GRID2: variants seen among roughly 807,000 people sequenced by gnomAD.
The protein encoded by GRID2 is glutamate receptor ionotropic, delta-2.
In GRID2, 33 loss-of-function variants were observed where a neutral mutation model predicts 114.8. The ratio of observed to expected loss-of-function variants is 0.29; its 90% CI spans 0.22 to 0.38. GRID2 has a LOEUF of 0.38. GRID2 is among the 10% of genes least tolerant of loss of function. The pLI, the probability that GRID2 is intolerant of heterozygous loss-of-function variation, is 1.00. For missense variants in GRID2, 1,184 were observed against 1,257.7 expected, an observed-to-expected ratio of 0.94 and a Z score of 0.89; for synonymous variants, 505 against 449.9, an observed-to-expected ratio of 1.12 and a Z score of -1.55.
chr4:92,704,211 G>T (rs568748992), intron 2 of GRID2, among the ~76,000 whole-genome samples: 3 of 152,134 alleles, frequency 2.0e-5, no homozygotes, highest in Non-Finnish European at 4.4e-5. Context: ...CCGGGAGGCG[G>T]AGCTTGCAGT....
chr4:93,027,999 A>G (rs1249772594), intron 2 of GRID2, among the ~76,000 whole-genome samples: 1 of 152,158 alleles, frequency 6.6e-6, no homozygotes, highest in Non-Finnish European at 1.5e-5. Flanking sequence ...TTAGAAGAAC[A>G]TAAATCCATT....
rs547092337 is a variant in GRID2 at position 92,508,638 on chromosome 4, C to T, written c.89-81493C>T. On this transcript the variant is annotated intron_variant, in intron 1 of 15. Transcript: ENST00000282020. ...CCATGTTGTAGGAATGGCAAGAAGA[C>T]TTGGTGTTTGGAGAAGAGGAAAGAA... Among the ~76,000 whole-genome samples, 72 of 151,788 alleles carry T rather than the reference C, an allele frequency of 4.7e-4. 1 individual carries two copies. The highest frequency in any genetic ancestry group is 4.0e-4 in the Non-Finnish European group (27 of 67,932).
chr4:93,361,554 A>G lies in GRID2; in HGVS notation c.1246-34053A>G, dbSNP rs148273239. On this transcript the variant is annotated intron_variant, in intron 8 of 15. Transcript: ENST00000282020. Reference sequence around the variant, plus strand: ...GCCTATCTCTCTGCTGAAATTTCCTATCTGGTCATGCATGTTGTCCACCTT... The same window carrying G: ...GCCTATCTCTCTGCTGAAATTTCCTGTCTGGTCATGCATGTTGTCCACCTT... Among the ~76,000 whole-genome samples the G allele has an allele frequency of 3.4e-3, 518 of 151,486 alleles. 3 individuals are homozygous for G. Among genetic ancestry groups the G allele is most frequent in the Admixed American group, 0.026 (390 of 15,178 alleles).
intron 4 of GRID2, among the ~76,000 whole-genome samples, chr4:93,161,561 A>C (rs922982360): frequency 1.3e-5 from 2 of 151,850 alleles, no homozygotes; most frequent in African/African-American, 4.8e-5. Context: ...TATATTTTTA[A>C]CAAACTTACT....
intron 1 of GRID2, among the ~76,000 whole-genome samples, chr4:92,392,538 A>G (rs932010404): frequency 5.3e-5 from 8 of 152,084 alleles, no homozygotes; most frequent in Non-Finnish European, 1.0e-4. Context: ...ACTCTGTCTC[A>G]AAATATATAT....
At chr4:93,770,991 C>T (rs867025316) in intron 15 of GRID2, among the ~76,000 whole-genome samples, 3 of 152,010 alleles carry the variant, frequency 2.0e-5, no homozygotes, top group African/African-American at 7.3e-5. Context: ...ATATTTTTCA[C>T]TGAGGAACAC....
intron 2 of GRID2, among the ~76,000 whole-genome samples, chr4:92,804,856 A>C (rs1330015095): frequency 6.6e-6 from 1 of 152,014 alleles, no homozygotes; most frequent in Non-Finnish European, 1.5e-5. Flanking sequence ...TAATTTAATA[A>C]CAATTTTGTC....
intron 13 of GRID2, among the ~76,000 whole-genome samples, chr4:93,592,894 GT>G (rs1738550981): frequency 6.6e-6 from 1 of 151,322 alleles, no homozygotes; most frequent in Non-Finnish European, 1.5e-5. Flanking sequence ...GCCTTTTTTT[GT>G]TTTCCATTTG....
At chr4:92,525,971 C>T (rs186650141) in intron 1 of GRID2, among the ~76,000 whole-genome samples, 3 of 151,984 alleles carry the variant, frequency 2.0e-5, no homozygotes, top group Non-Finnish European at 4.4e-5. Flanking sequence ...ACAAAGAACG[C>T]TCTCTATATA....
At chr4:92,672,396 A>G (rs1177887282) in intron 2 of GRID2, among the ~76,000 whole-genome samples, 1 of 152,162 alleles carries the variant, frequency 6.6e-6, no homozygotes, top group Admixed American at 6.6e-5. Context: ...CTTAATATGA[A>G]TACCCAATGT....
chr4:92,996,893 G>A (rs1755234340), intron 2 of GRID2, among the ~76,000 whole-genome samples: 1 of 152,078 alleles, frequency 6.6e-6, no homozygotes, highest in South Asian at 2.1e-4. Context: ...ACTCTTACCA[G>A]ATAGACAGTT....
intron 13 of GRID2, among the ~76,000 whole-genome samples, chr4:93,615,520 G>T (rs1427464799): frequency 1.3e-5 from 2 of 151,808 alleles, no homozygotes; most frequent in Non-Finnish European, 2.9e-5. Flanking sequence ...GGGTCAAATG[G>T]TATTTCTAGC....
chr4:93,332,279 T>TGC (rs1758556923), intron 8 of GRID2, among the ~76,000 whole-genome samples: 1 of 121,886 alleles, frequency 8.2e-6, no homozygotes, highest in African/African-American at 4.1e-5. Flanking sequence ...TGTGTGTGTG[T>TGC]GTGTGTGTGT....
At chr4:93,017,806 G>GAAAAAAAAAAA (rs796967580) in intron 2 of GRID2, among the ~76,000 whole-genome samples, 1 of 49,248 alleles carries the variant, frequency 2.0e-5, no homozygotes, top group Admixed American at 2.4e-4. Flanking sequence ...TCCTTTTCAA[G>GAAAAAAAAAAA]AAAAAAAAAA....
At chr4:92,676,523 T>G (rs543688272) in intron 2 of GRID2, among the ~76,000 whole-genome samples, 1 of 152,212 alleles carries the variant, frequency 6.6e-6, no homozygotes, top group Admixed American at 6.5e-5. Context: ...CTTGGCTTTT[T>G]TATTTGTTGG....
chr4:93,600,801 G>T (rs982069243), intron 13 of GRID2, among the ~76,000 whole-genome samples: 1 of 152,164 alleles, frequency 6.6e-6, no homozygotes, highest in Admixed American at 6.5e-5. Context: ...AAATGGAAAA[G>T]CATAGTGGTC....
intron 11 of GRID2, among the ~76,000 whole-genome samples, chr4:93,466,081 A>C (rs2149427375): frequency 6.6e-6 from 1 of 152,224 alleles, no homozygotes; most frequent in Non-Finnish European, 1.5e-5. Context: ...CAGTACACTT[A>C]GGGTTTTGTT....
intron 13 of GRID2, among the ~76,000 whole-genome samples, chr4:93,618,868 C>A (rs72889182): frequency 0.12 from 17,982 of 152,122 alleles, 1,099 homozygotes; most frequent in Middle Eastern, 0.14. Flanking sequence ...CCATTTGTTT[C>A]AAGAAAAAGT....
At chr4:92,890,670 G>A (rs1257629552) in intron 2 of GRID2, among the ~76,000 whole-genome samples, 3 of 152,162 alleles carry the variant, frequency 2.0e-5, no homozygotes, top group Admixed American at 1.3e-4. Context: ...TGGTGGGAGT[G>A]TAAATTAGTT....
Sources: gnomAD v4.1 joint callset for allele counts (sites outside exome capture counted in the v4.1 genomes callset) on GRCh38, gnomAD v4.1.1 for gene constraint, MANE v1.5 for transcripts, NCBI Gene and HGNC (gene_info 2026-07-23, HGNC 2026-07-21) for gene names.